Variants in ELOVL6 observed in about 807,000 individuals in gnomAD.
ELOVL6 encodes the protein ELOVL fatty acid elongase 6, also known as very long chain fatty acid elongase 6.
Under a neutral mutation model 31.7 loss-of-function variants are expected in ELOVL6, and 8 were observed. The observed-to-expected ratio is 0.25, with a 90% CI of 0.15 to 0.45. The LOEUF is 0.45. Among genes scored for constraint, ELOVL6 ranks in the 20% least tolerant of loss-of-function variants. The pLI, the probability that ELOVL6 is intolerant of heterozygous loss-of-function variation, is 1.00. For missense variants in ELOVL6, 126 were observed against 326.4 expected (o/e 0.39, Z 4.73); for synonymous variants, 101 against 117.7 (o/e 0.86, Z 0.92).
chr4:110,080,425 G>A (rs540814282), intron 2 of ELOVL6, among the ~76,000 whole-genome samples: 1 of 152,194 alleles, frequency 6.6e-6, no homozygotes, highest in Non-Finnish European at 1.5e-5. Context: ...TGGGATGCAA[G>A]GCTGGTTCAG....
chr4:110,084,164 G>GATATATATAACATAACTTATA (rs1560814317), intron 2 of ELOVL6, among the ~76,000 whole-genome samples: 2 of 45,604 alleles, frequency 4.4e-5, no homozygotes, highest in African/African-American at 5.0e-4. Context: ...TAACATATAT[G>GATATATATAACATAACTTATA]TGATATATAT....
intron 1 of ELOVL6, among the ~76,000 whole-genome samples, chr4:110,158,655 ATAT>A (rs1484573365): frequency 1.6e-4 from 12 of 76,200 alleles, no homozygotes; most frequent in African/African-American, 2.4e-4. Flanking sequence ...ATATATATAT[ATAT>A]TTTTTTTTTT....
chr4:110,084,588 A>ATATATTTTTTTTTT (rs1553956261), intron 2 of ELOVL6, among the ~76,000 whole-genome samples: 1 of 29,658 alleles, frequency 3.4e-5, no homozygotes, highest in African/African-American at 2.2e-4. Flanking sequence ...ATATATATAT[A>ATATATTTTTTTTTT]TTTTTTTTTT....
intron 1 of ELOVL6, among the ~76,000 whole-genome samples, chr4:110,130,568 A>G (rs888681190): frequency 2.0e-5 from 3 of 152,250 alleles, no homozygotes; most frequent in Non-Finnish European, 4.4e-5. Flanking sequence ...CAGTAGCCCA[A>G]GGAAAAGTAA....
chr4:110,050,687 C>G lies in ELOVL6; in HGVS notation c.*651G>C, dbSNP rs1296545912. 1 of 152,904 alleles carries G rather than the reference C, an allele frequency of 6.5e-6. No homozygotes were observed. The highest frequency in any genetic ancestry group is 1.9e-4 in the East Asian group (1 of 5,204). 9.5% of individuals were successfully genotyped at this position (152,904 alleles called of 1,614,324 possible). A position where few individuals can be genotyped will look rare whatever the true frequency, so the allele number is the denominator to read the frequency against. On this transcript the variant is annotated 3_prime_UTR_variant, in exon 4 of 4. Coordinates refer to ENST00000302274, the MANE Select transcript of ELOVL6 (RefSeq NM_024090.3). The stretch of plus-strand genomic sequence containing the variant: ...ACCCCCTTTGGTTTTGGCAAACTCA[C>G]TAGCCTGAGGCTATGCAGTGAAGAT...
At chr4:110,133,547 C>T (rs906777535) in intron 1 of ELOVL6, among the ~76,000 whole-genome samples, 6 of 151,974 alleles carry the variant, frequency 3.9e-5, no homozygotes, top group African/African-American at 1.2e-4. Context: ...CTTGCGGAGG[C>T]GGGGTTGTCA....
chr4:110,084,398 T>C (rs1044578239), intron 2 of ELOVL6, among the ~76,000 whole-genome samples: 1 of 96,540 alleles, frequency 1.0e-5, no homozygotes, highest in Non-Finnish European at 2.2e-5. Context: ...ATATATGATA[T>C]ATGATATATG....
chr4:110,162,154 A>T (rs1758649053), intron 1 of ELOVL6, among the ~76,000 whole-genome samples: 1 of 152,242 alleles, frequency 6.6e-6, no homozygotes, highest in African/African-American at 2.4e-5. Context: ...GTTAAAAAAT[A>T]AACTAAAAGA....
intron 2 of ELOVL6, among the ~76,000 whole-genome samples, chr4:110,084,405 T>C (rs1444390197): frequency 2.5e-5 from 2 of 79,108 alleles, no homozygotes; most frequent in Admixed American, 1.3e-4. Context: ...ATATATGATA[T>C]ATGACATACA....
chr4:110,191,785 C>T (rs1364747572), intron 1 of ELOVL6, among the ~76,000 whole-genome samples: 1 of 151,518 alleles, frequency 6.6e-6, no homozygotes, highest in East Asian at 1.9e-4. Flanking sequence ...GAGCCAAGAC[C>T]AGGCTCAAAA....
rs1207095145 is a variant in ELOVL6, at chr4:110,069,145, A to ATAATAC, written c.222-9392_222-9391insGTATTA. Among the ~76,000 whole-genome samples, 88 of 140,224 alleles carry ATAATAC rather than the reference A, an allele frequency of 6.3e-4. 1 individual carries two copies. Among genetic ancestry groups the ATAATAC allele is most frequent in the African/African-American group, 2.2e-3 (87 of 38,782 alleles). The allele number at this position is 140,224 out of a possible 152,430, so 92.0% of individuals were successfully genotyped here. A position where few individuals can be genotyped will look rare whatever the true frequency, so the allele number is the denominator to read the frequency against. ...ACTCTGTCTCCAAATAATAATAATA[A>ATAATAC]TAATAATAATAATAATAATAATAAT... is the stretch of plus-strand genomic sequence containing the variant. On this transcript the variant is annotated intron_variant, in intron 2 of 3. Coordinates refer to ENST00000302274, the MANE Select transcript of ELOVL6 (RefSeq NM_024090.3).
In ELOVL6 at chr4:110,093,057, G is replaced by A. The variant is rs75113783; in HGVS notation, c.221+12440C>T. 3.1e-3 allele frequency: 1,362 copies of A among 434,664 alleles called. 20 individuals are homozygous for A. The highest frequency in any genetic ancestry group is 0.025 in the African/African-American group (1,238 of 48,958). 26.9% of individuals were successfully genotyped at this position (434,664 alleles called of 1,614,324 possible). On this transcript the variant is annotated intron_variant, in intron 2 of 3. Transcript: ENST00000302274. ...GTTTCAAAAGAGCTATGGTATTCCAGCTATTTAAATACTATCCCATTTTGG... is the reference window on the plus strand; with the variant it reads ...GTTTCAAAAGAGCTATGGTATTCCAACTATTTAAATACTATCCCATTTTGG...
At chr4:110,116,057 G>A (rs1757160879) in intron 1 of ELOVL6, among the ~76,000 whole-genome samples, 1 of 152,114 alleles carries the variant, frequency 6.6e-6, no homozygotes, top group South Asian at 2.1e-4. Context: ...GGGCCCACCA[G>A]ATAATCCAGG....
chr4:110,135,280 T>C (rs1055048160), intron 1 of ELOVL6, among the ~76,000 whole-genome samples: 1 of 152,182 alleles, frequency 6.6e-6, no homozygotes, highest in Non-Finnish European at 1.5e-5. Context: ...TCCTTTCCTC[T>C]TCACACTAAC....
chr4:110,162,732 T>C (rs1460396174), intron 1 of ELOVL6, among the ~76,000 whole-genome samples: 2 of 152,202 alleles, frequency 1.3e-5, no homozygotes, highest in Non-Finnish European at 2.9e-5. Context: ...GGTTAATGAA[T>C]GTGCTGAAGT....
intron 1 of ELOVL6, among the ~76,000 whole-genome samples, chr4:110,166,438 C>T (rs1758780326): frequency 2.0e-5 from 3 of 152,048 alleles, no homozygotes; most frequent in Admixed American, 2.0e-4. Flanking sequence ...ACCGTGAAAC[C>T]CCATCTCTAC....
At chr4:110,114,582 C>G (rs1757124786) in intron 1 of ELOVL6, among the ~76,000 whole-genome samples, 1 of 152,132 alleles carries the variant, frequency 6.6e-6, no homozygotes, top group Admixed American at 6.5e-5. Context: ...AAAAACTGAC[C>G]CAAATGCTGA....
At chr4:110,114,654 A>C (rs185856579) in intron 1 of ELOVL6, among the ~76,000 whole-genome samples, 101 of 152,310 alleles carry the variant, frequency 6.6e-4, no homozygotes, top group Middle Eastern at 3.4e-3. Flanking sequence ...CTACACTTAG[A>C]GTTGAATATA....
chr4:110,150,263 C>T (rs1203585948), intron 1 of ELOVL6, among the ~76,000 whole-genome samples: 2 of 152,116 alleles, frequency 1.3e-5, no homozygotes, highest in Non-Finnish European at 2.9e-5. Flanking sequence ...TAAAACCCCT[C>T]CACAAATTCA....
Sources: gnomAD v4.1 joint callset for allele counts (sites outside exome capture counted in the v4.1 genomes callset) on GRCh38, gnomAD v4.1.1 for gene constraint, MANE v1.5 for transcripts, NCBI Gene and HGNC (gene_info 2026-07-23, HGNC 2026-07-21) for gene names.